LYSMD4: variants seen among roughly 807,000 people sequenced by gnomAD.
The protein encoded by LYSMD4 is LysM domain containing 4.
A neutral mutation model predicts 6.1 loss-of-function variants in LYSMD4; 9 were observed. The observed-to-expected ratio is 1.47, with a 90% CI of 0.88 to 2.56. LYSMD4 has a LOEUF of 2.56. Ranked by LOEUF, LYSMD4 falls within the 30% of genes most tolerant of loss-of-function variation. The pLI, the probability that LYSMD4 is intolerant of heterozygous loss-of-function variation, is 0.00. For synonymous variants in LYSMD4, 143 were observed against 148.5 expected (o/e 0.96, Z 0.27); for missense variants, 384 against 373.5 (o/e 1.03, Z -0.23).
Position 99,729,239 on chromosome 15 carries a change from TGGG to T in LYSMD4, c.772_774del (p.Pro258del). On this transcript the variant is annotated inframe_deletion, in exon 3 of 3. Coordinates refer to ENST00000684762, the MANE Select transcript of LYSMD4 (RefSeq NM_001284417.2). Reference sequence around the variant, plus strand: ...ACTGTACCCATTGCCATCGAGCCATTGGGGATGACAGTTGTGTTCAAGCTATTA... The same window carrying T: ...ACTGTACCCATTGCCATCGAGCCATTGATGACAGTTGTGTTCAAGCTATTA... 6.2e-7 allele frequency: 1 copy of T among 1,614,230 alleles called. No homozygotes were observed. Among genetic ancestry groups the T allele is most frequent in the Admixed American group, 1.7e-5 (1 of 60,028 alleles).
In LYSMD4 at chr15:99,731,857, A is replaced by C; in HGVS notation, c.143T>G (p.Leu48Trp). The change falls in exon 2 of 3, where the codon TTG becomes TGG. Residue 48 changes from leucine to tryptophan, a missense_variant. Leu to Trp is a moderately conservative substitution (Grantham distance 61). Transcript: ENST00000684762. ...SSEEESHRVV[L>W]RPRGKERHKS... Reference sequence around the variant, plus strand: ...GTGGCGCTCCTTGCCCCGGGGCCGCAAAACCACACGGTGAGACTCTTCTTC... The same window carrying C: ...GTGGCGCTCCTTGCCCCGGGGCCGCCAAACCACACGGTGAGACTCTTCTTC... 6.2e-7 allele frequency: 1 copy of C among 1,613,492 alleles called. No individual in the cohort carries two copies. The highest frequency in any genetic ancestry group is 1.1e-5 in the South Asian group (1 of 91,074).
At position 99,731,969 on chromosome 15, in the gene LYSMD4, A is replaced by G; in HGVS notation, c.31T>C (p.Phe11Leu). 6.3e-7 allele frequency: 1 copy of G among 1,598,866 alleles called. No individual in the cohort carries two copies. Among genetic ancestry groups the G allele is most frequent in the South Asian group, 1.1e-5 (1 of 89,738 alleles). Residue 11 changes from phenylalanine (F) to leucine (L), a missense_variant, in exon 2 of 3, where the codon TTC (phenylalanine) becomes CTC (leucine). Phe to Leu is a conservative substitution (Grantham distance 22, BLOSUM62 0). Transcript: ENST00000684762. Reference protein sequence around the residue: MRHEELLTKTFQGPAVVCGTP... With the variant: MRHEELLTKTLQGPAVVCGTP... ...CCACACACAACAGCTGGGCCTTGGA[A>G]GGTCTTGGTTAACAATTCCTCGTGC...
rs760867625 is a variant in LYSMD4, at chr15:99,729,271, G to T, written c.743C>A (p.Thr248Asn). Residue 248 changes from threonine (T) to asparagine (N), a missense_variant, in exon 3 of 3, where the codon ACC (threonine) becomes AAC (asparagine). Transcript: ENST00000684762. ...VYFKIQASGETPNSLNTTVIP... is the reference protein window; with the variant it reads ...VYFKIQASGENPNSLNTTVIP... ...GACAGTTGTGTTCAAGCTATTAGGG[G>T]TCTCACCACTAGCTTGTATTTTAAA... 82 of 1,614,052 alleles carry T rather than the reference G, an allele frequency of 5.1e-5. No homozygotes were observed. Among genetic ancestry groups the T allele is most frequent in the Non-Finnish European group, 6.9e-5 (82 of 1,180,044 alleles).
chr15:99,727,678 T>C lies in LYSMD4; in HGVS notation c.*1445A>G, dbSNP rs1228181451. 5 of 152,248 alleles carry C rather than the reference T, an allele frequency of 3.3e-5. No individual in the cohort carries two copies. The highest frequency in any genetic ancestry group is 7.3e-5 in the Non-Finnish European group (5 of 68,046). 9.4% of individuals were successfully genotyped at this position (152,248 alleles called of 1,614,324 possible). A position where few individuals can be genotyped will look rare whatever the true frequency, so the allele number is the denominator to read the frequency against. On this transcript the variant is annotated 3_prime_UTR_variant, in exon 3 of 3. Transcript: ENST00000684762. The stretch of plus-strand genomic sequence containing the variant: ...CTGGTTTCTAATTTAAGATTGAAGA[T>C]GATTTAATTTGCTAATGGAACCCAG...
At chr15:99,724,276 C>T (rs894432564), downstream of LYSMD4, among the ~76,000 whole-genome samples, 1 of 144,070 alleles carries the variant, frequency 6.9e-6, no homozygotes, top group Non-Finnish European at 1.5e-5. Flanking sequence ...CATTATTTCT[C>T]CTGAGACAGG....
intron 2 of LYSMD4, 42 bp downstream of exon 2, chr15:99,731,675 TC>T (rs1567556911): frequency 1.3e-6 from 2 of 1,535,550 alleles, no homozygotes; most frequent in African/African-American, 1.4e-5. Context: ...TTCCCCGTGT[TC>T]CTTGAAACGG....
Position 99,731,834 on chromosome 15 carries a change from G to A in LYSMD4, c.166C>T (p.His56Tyr). Residue 56 changes from histidine (H) to tyrosine (Y), a missense_variant, in exon 2 of 3, where the codon CAC (histidine) becomes TAC (tyrosine). His to Tyr is a moderately conservative substitution (Grantham distance 83). Transcript: ENST00000684762. ...GGAGGCTGGTGGACACCGCTCTTGTGGCGCTCCTTGCCCCGGGGCCGCAAA... is the reference window on the plus strand; with the variant it reads ...GGAGGCTGGTGGACACCGCTCTTGTAGCGCTCCTTGCCCCGGGGCCGCAAA... ...VVLRPRGKER[H>Y]KSGVHQPPQA... The A allele has an allele frequency of 6.2e-7, 1 of 1,613,100 alleles. No individual in the cohort carries two copies.
At chr15:99,716,763 T>A in exon 1 of LYSMD4, 1 of 449,512 alleles carries the variant, frequency 2.2e-6, no homozygotes, top group Non-Finnish European at 4.5e-6. Context: ...AATCTGGCTG[T>A]TGCATGCACA....
Position 99,729,015 on chromosome 15 carries a change from C to T in LYSMD4, c.*108G>A. On this transcript the variant is annotated 3_prime_UTR_variant, in exon 3 of 3. Transcript: ENST00000684762. ...ACTGCAGTGACTTCTGAAAAGTGTCCATCCTTCCCCGGAAGCAAAATGCAG... is the reference window on the plus strand; with the variant it reads ...ACTGCAGTGACTTCTGAAAAGTGTCTATCCTTCCCCGGAAGCAAAATGCAG... The T allele has an allele frequency of 3.4e-6, 5 of 1,450,374 alleles. No homozygotes were observed. Among genetic ancestry groups the T allele is most frequent in the Non-Finnish European group, 4.7e-6 (5 of 1,064,192 alleles). 89.8% of individuals were successfully genotyped at this position (1,450,374 alleles called of 1,614,324 possible).
At position 99,728,656 on chromosome 15, in the gene LYSMD4, C is replaced by A. The variant is rs556114730; in HGVS notation, c.*467G>T. On this transcript the variant is annotated 3_prime_UTR_variant, in exon 3 of 3. Coordinates refer to ENST00000684762, the MANE Select transcript of LYSMD4 (RefSeq NM_001284417.2). Reference sequence around the variant, plus strand: ...AGGGTGGCATGCCAAGCCTATTCCACAGCACCTTTGCCAGGCAGACAGAGA... The same window carrying A: ...AGGGTGGCATGCCAAGCCTATTCCAAAGCACCTTTGCCAGGCAGACAGAGA... The A allele has an allele frequency of 3.0e-4, 56 of 185,236 alleles. No homozygotes were observed. Among genetic ancestry groups the A allele is most frequent in the African/African-American group, 1.2e-3 (52 of 43,516 alleles). 11.5% of individuals were successfully genotyped at this position (185,236 alleles called of 1,614,324 possible). A position where few individuals can be genotyped will look rare whatever the true frequency, so the allele number is the denominator to read the frequency against.
downstream of LYSMD4, among the ~76,000 whole-genome samples, chr15:99,723,714 A>G (rs1201873553): frequency 6.6e-6 from 1 of 152,222 alleles, no homozygotes; most frequent in East Asian, 1.9e-4. Context: ...GGAAGAAGCA[A>G]TGTCTCCATG....
At chr15:99,722,490 T>A (rs1470780291), downstream of LYSMD4, among the ~76,000 whole-genome samples, 1 of 152,146 alleles carries the variant, frequency 6.6e-6, no homozygotes, top group Non-Finnish European at 1.5e-5. Context: ...AAATTCACCA[T>A]GTCTAGCATC....
chr15:99,733,238 A>C (rs1368639226), intron 1 of LYSMD4, 107 bp downstream of exon 1: 3 of 373,932 alleles, frequency 8.0e-6, no homozygotes, highest in Non-Finnish European at 1.4e-5. Context: ...GAGCCCGGGG[A>C]GGGGCGGCCC....
At chr15:99,725,903 G>A (rs535030972), downstream of LYSMD4, among the ~76,000 whole-genome samples, 1 of 152,288 alleles carries the variant, frequency 6.6e-6, no homozygotes, top group African/African-American at 2.4e-5. Context: ...CTGTGTGGTC[G>A]TAAGCAGCTT....
At chr15:99,718,909 GCACACACACACACACA>G (rs57143734), upstream of LYSMD4, among the ~76,000 whole-genome samples, 18 of 150,602 alleles carry the variant, frequency 1.2e-4, no homozygotes, top group Non-Finnish European at 2.4e-4. Flanking sequence ...GTAGTTATGC[GCACACACACACACACA>G]CACACACACA....
chr15:99,715,911 C>G (rs561930043), exon 1 of LYSMD4: 2 of 152,590 alleles, frequency 1.3e-5, no homozygotes, highest in East Asian at 3.9e-4. Context: ...TAGACTAAAT[C>G]AGGGGTTTGT....
intron 2 of LYSMD4, among the ~76,000 whole-genome samples, chr15:99,730,634 AT>A (rs2059382661): frequency 6.6e-6 from 1 of 152,246 alleles, no homozygotes; most frequent in Non-Finnish European, 1.5e-5. Context: ...GGTAGGGGAC[AT>A]TTTTAATTCA....
upstream of LYSMD4, among the ~76,000 whole-genome samples, chr15:99,719,677 T>C (rs1036013711): frequency 6.6e-6 from 1 of 152,212 alleles, no homozygotes. Flanking sequence ...TGAATAGCCC[T>C]ACACATGCGT....
At chr15:99,729,757 A>G in intron 2 of LYSMD4, 26 bp from the exon 3 acceptor site, 13 of 1,574,562 alleles carry the variant, frequency 8.3e-6, no homozygotes, top group Non-Finnish European at 9.4e-6. Flanking sequence ...GATAAACATC[A>G]TAAAATATGC....
Sources: allele counts gnomAD v4.1 joint callset (sites outside exome capture counted in the v4.1 genomes callset), GRCh38; gene constraint gnomAD v4.1.1; transcripts MANE v1.5; gene names NCBI Gene and HGNC (gene_info 2026-07-23, HGNC 2026-07-21).